Variants in MED23 observed in about 807,000 individuals in gnomAD.
The protein encoded by MED23 is mediator complex subunit 23.
A neutral mutation model predicts 163.9 loss-of-function variants in MED23; 105 were observed. The ratio of observed to expected loss-of-function variants is 0.64; its 90% CI spans 0.55 to 0.75. The LOEUF (loss-of-function observed/expected upper bound fraction) is 0.75. MED23 is among the 30% of genes least tolerant of loss of function. The probability of loss-of-function intolerance (pLI) is 0.00; values close to 1 mark genes in which losing one functional copy is unlikely to be tolerated. For synonymous variants in MED23, 561 were observed against 565.6 expected (o/e 0.99, Z 0.12); for missense variants, 1,054 against 1,649.0 (o/e 0.64, Z 6.25).
chr6:131,599,029 C>T (rs570687143), intron 18 of MED23, among the ~76,000 whole-genome samples: 5 of 152,210 alleles, frequency 3.3e-5, no homozygotes, highest in East Asian at 1.9e-4. Context: ...TTGATACTTC[C>T]GCCAATCTTA....
Position 131,587,466 on chromosome 6 carries a change from A to T in MED23, c.*213T>A. On this transcript the variant is annotated 3_prime_UTR_variant, in exon 29 of 29. Coordinates refer to ENST00000368068, the MANE Select transcript of MED23 (RefSeq NM_004830.4). ...GTTGTTATGAATATGAACAACATGT[A>T]TCTTACTTGATCTCTTAGAGACAAA... 1 of 1,396,918 alleles carries T rather than the reference A, an allele frequency of 7.2e-7. No homozygotes were observed. Among genetic ancestry groups the T allele is most frequent in the Non-Finnish European group, 9.3e-7 (1 of 1,076,356 alleles). 86.5% of individuals were successfully genotyped at this position (1,396,918 alleles called of 1,614,324 possible). A position where few individuals can be genotyped will look rare whatever the true frequency, so the allele number is the denominator to read the frequency against.
chr6:131,583,776 C>A, downstream of MED23: 1 of 1,614,016 alleles, frequency 6.2e-7, no homozygotes, highest in Non-Finnish European at 8.5e-7. Context: ...TGGAAGTGAA[C>A]CCATCCCTGG....
At chr6:131,585,485 G>A (rs905439728), downstream of MED23, among the ~76,000 whole-genome samples, 9 of 152,180 alleles carry the variant, frequency 5.9e-5, no homozygotes, top group African/African-American at 1.9e-4. Flanking sequence ...TTAGATGGGA[G>A]CAATTATAAT....
chr6:131,620,556 CT>C, intron 7 of MED23, 71 bp downstream of exon 7: 1 of 988,394 alleles, frequency 1.0e-6, no homozygotes, highest in Non-Finnish European at 1.6e-6. Flanking sequence ...CCACCTTTGC[CT>C]CCCAAAGTGC....
intron 10 of MED23, 58 bp downstream of exon 10, chr6:131,615,849 G>C (rs1366003143): frequency 1.5e-6 from 2 of 1,291,342 alleles, no homozygotes; most frequent in African/African-American, 1.5e-5. Flanking sequence ...AAAGAAAAGA[G>C]AAAAGAATAG....
At chr6:131,579,300 C>T (rs1585412249) in intron 30 of MED23, 1 of 1,613,622 alleles carries the variant, frequency 6.2e-7, no homozygotes, top group East Asian at 2.2e-5. Context: ...TGTTGAATAA[C>T]TGTGTCTATG....
intron 26 of MED23, among the ~76,000 whole-genome samples, chr6:131,590,820 T>C (rs1479887850): frequency 6.6e-6 from 1 of 152,062 alleles, no homozygotes; most frequent in Non-Finnish European, 1.5e-5. Flanking sequence ...GGTTTCACCA[T>C]GTTGGCCAGG....
chr6:131,600,267 C>T lies in MED23; in HGVS notation c.2096-105G>A, dbSNP rs951579120. On this transcript the variant is annotated intron_variant, in intron 17 of 28. Coordinates refer to ENST00000368068, the MANE Select transcript of MED23 (RefSeq NM_004830.4). The stretch of plus-strand genomic sequence containing the variant: ...ATTATGTACACTGAGAATTTCACTG[C>T]AGTGCATTCACTGCTTAACTAGTTA... 4 of 1,143,462 alleles carry T rather than the reference C, an allele frequency of 3.5e-6. No individual in the cohort carries two copies. The Admixed American group carries it at 6.0e-5, about 17-fold the overall frequency. 70.8% of individuals were successfully genotyped at this position (1,143,462 alleles called of 1,614,324 possible).
chr6:131,586,929 A>T lies in MED23; in HGVS notation c.*750T>A. ...AGAATTACATCATCTGTCAGGTGAGAGTGTCAACCTGCAAAAGCAATTAAC... is the reference window on the plus strand; with the variant it reads ...AGAATTACATCATCTGTCAGGTGAGTGTGTCAACCTGCAAAAGCAATTAAC... On this transcript the variant is annotated 3_prime_UTR_variant, in exon 29 of 29. Transcript: ENST00000368068. The T allele has an allele frequency of 6.8e-7, 1 of 1,465,128 alleles. No individual in the cohort carries two copies. Among genetic ancestry groups the T allele is most frequent in the Non-Finnish European group, 9.2e-7 (1 of 1,085,496 alleles). The allele number at this position is 1,465,128 out of a possible 1,614,324, so 90.8% of individuals were successfully genotyped here. A position where few individuals can be genotyped will look rare whatever the true frequency, so the allele number is the denominator to read the frequency against.
At chr6:131,582,464 A>G (rs1206297079), downstream of MED23, among the ~76,000 whole-genome samples, 1 of 152,190 alleles carries the variant, frequency 6.6e-6, no homozygotes, top group Non-Finnish European at 1.5e-5. Flanking sequence ...GGGGAGGCAC[A>G]CATCCTCTTC....
At chr6:131,620,556 C>T (rs1777022478) in intron 7 of MED23, 72 bp downstream of exon 7, 3 of 988,274 alleles carry the variant, frequency 3.0e-6, no homozygotes, top group African/African-American at 1.6e-5. Flanking sequence ...CCACCTTTGC[C>T]TCCCAAAGTG....
intron 11 of MED23, among the ~76,000 whole-genome samples, chr6:131,609,535 CAG>C (rs1776112493): frequency 1.7e-5 from 2 of 116,370 alleles, no homozygotes; most frequent in African/African-American, 6.8e-5. Context: ...TTTTTTGACA[CAG>C]AGTCTCGCTC....
intron 4 of MED23, among the ~76,000 whole-genome samples, chr6:131,624,039 T>C (rs931061903): frequency 3.9e-5 from 6 of 152,230 alleles, no homozygotes; most frequent in African/African-American, 1.2e-4. Context: ...TGTTATATTT[T>C]ACTAGAAAGA....
chr6:131,626,515 T>C (rs1349893911), intron 3 of MED23, among the ~76,000 whole-genome samples: 2 of 152,146 alleles, frequency 1.3e-5, no homozygotes, highest in Non-Finnish European at 2.9e-5. Flanking sequence ...TAATGAACAG[T>C]GTACATGGTA....
chr6:131,580,022 G>A (rs747936040), intron 30 of MED23, among the ~76,000 whole-genome samples: 2 of 152,004 alleles, frequency 1.3e-5, no homozygotes, highest in Admixed American at 6.6e-5. Context: ...TACATATTGC[G>A]GCATATTCAG....
chr6:131,623,454 C>T lies in MED23; in HGVS notation c.293G>A (p.Cys98Tyr), dbSNP rs748302973. 1 of 1,613,472 alleles carries T rather than the reference C, an allele frequency of 6.2e-7. No homozygotes were observed. Among genetic ancestry groups the T allele is most frequent in the Non-Finnish European group, 8.5e-7 (1 of 1,179,644 alleles). ...ETGLLPPRLV[C>Y]ESLINSDTLE... is the part of the protein sequence containing the mutation. ...AGTGTCAGAGTTTATCAGGGATTCACAAACCAGCCTATAAAAAAAGAAATA... is the reference window on the plus strand; with the variant it reads ...AGTGTCAGAGTTTATCAGGGATTCATAAACCAGCCTATAAAAAAAGAAATA... The change falls in exon 5 of 29, where the codon TGT becomes TAT. Residue 98 changes from cysteine (C) to tyrosine (Y), a missense_variant. Cys to Tyr is a radical substitution (Grantham distance 194). Transcript: ENST00000368068.
chr6:131,625,092 C>G, intron 3 of MED23, 103 bp from the exon 4 acceptor site: 2 of 1,262,540 alleles, frequency 1.6e-6, no homozygotes, highest in Non-Finnish European at 2.3e-6. Context: ...GAAAGAAATA[C>G]TTCACTATGA....
intron 22 of MED23, among the ~76,000 whole-genome samples, chr6:131,594,657 A>G (rs1774906226): frequency 1.3e-5 from 2 of 152,218 alleles, no homozygotes. Flanking sequence ...TATACTAGCG[A>G]AAGATGAAAA....
At chr6:131,607,083 A>G (rs1213274465) in intron 12 of MED23, among the ~76,000 whole-genome samples, 2 of 152,064 alleles carry the variant, frequency 1.3e-5, no homozygotes, top group Non-Finnish European at 2.9e-5. Flanking sequence ...CATATTGACT[A>G]TTAATGGGTA....
Sources: gnomAD v4.1 joint callset for allele counts (sites outside exome capture counted in the v4.1 genomes callset) on GRCh38, gnomAD v4.1.1 for gene constraint, MANE v1.5 for transcripts, NCBI Gene and HGNC (gene_info 2026-07-23, HGNC 2026-07-21) for gene names.